HTR1F: variants seen among roughly 807,000 people sequenced by gnomAD.
The protein encoded by HTR1F is 5-hydroxytryptamine (serotonin) receptor 1F, G protein-coupled.
HTR1F carries 17 observed loss-of-function variants against 24.0 expected under a neutral mutation model. The ratio of observed to expected loss-of-function variants is 0.71; its 90% CI spans 0.48 to 1.06. HTR1F has a LOEUF of 1.06. Among genes scored for constraint, HTR1F ranks in the 50% least tolerant of loss-of-function variants. HTR1F has a pLI of 0.00. For synonymous variants in HTR1F, 186 were observed against 156.8 expected (o/e 1.19, Z -1.39); for missense variants, 391 against 427.8 (o/e 0.91, Z 0.76).
intron 2 of HTR1F, among the ~76,000 whole-genome samples, chr3:87,862,589 T>C (rs1162854939): frequency 6.6e-6 from 1 of 152,196 alleles, no homozygotes; most frequent in Non-Finnish European, 1.5e-5. Context: ...CTCCAATATA[T>C]GTCACACAAA....
chr3:87,941,756 C>A (rs1337830390), intron 2 of HTR1F, among the ~76,000 whole-genome samples: 1 of 152,090 alleles, frequency 6.6e-6, no homozygotes, highest in Non-Finnish European at 1.5e-5. Context: ...GACTATAAAC[C>A]ACTCTGCTTC....
At chr3:87,967,794 A>G (rs964906013) in intron 2 of HTR1F, among the ~76,000 whole-genome samples, 1 of 152,156 alleles carries the variant, frequency 6.6e-6, no homozygotes, top group Non-Finnish European at 1.5e-5. Flanking sequence ...CTTTTTCTTT[A>G]TAAATTGCCC....
intron 2 of HTR1F, among the ~76,000 whole-genome samples, chr3:87,833,283 A>G (rs1433613883): frequency 2.0e-5 from 3 of 152,172 alleles, no homozygotes; most frequent in East Asian, 3.9e-4. Flanking sequence ...GGAACTAGGG[A>G]AATATAAAAA....
intron 1 of HTR1F, among the ~76,000 whole-genome samples, chr3:87,805,209 T>A (rs1704054375): frequency 6.6e-6 from 1 of 152,078 alleles, no homozygotes; most frequent in Non-Finnish European, 1.5e-5. Flanking sequence ...CAAGGTTTTT[T>A]TTTTTACCAC....
intron 2 of HTR1F, among the ~76,000 whole-genome samples, chr3:87,843,250 C>T (rs975979404): frequency 6.6e-6 from 1 of 151,878 alleles, no homozygotes; most frequent in South Asian, 2.1e-4. Flanking sequence ...AACATAGGCT[C>T]AAATTATTTT....
rs143171050 is a variant in HTR1F, at chr3:87,794,627, T to C, written c.-160+1785T>C. 4.3e-3 allele frequency among the ~76,000 whole-genome samples: 660 copies of C among 152,332 alleles called. 6 individuals are homozygous for C. The highest frequency in any genetic ancestry group is 0.014 in the African/African-American group (593 of 41,566). ...TCACGCTTCATCCAAGTGGGCTTATTACAGAGCTAATGAGCTTAAGTTATA... is the reference window on the plus strand; with the variant it reads ...TCACGCTTCATCCAAGTGGGCTTATCACAGAGCTAATGAGCTTAAGTTATA... On this transcript the variant is annotated intron_variant, in intron 1 of 2. Coordinates refer to ENST00000319595, the MANE Select transcript of HTR1F (RefSeq NM_001322209.2).
intron 2 of HTR1F, among the ~76,000 whole-genome samples, chr3:87,862,801 C>T (rs1024353519): frequency 2.0e-5 from 3 of 151,766 alleles, no homozygotes; most frequent in Non-Finnish European, 2.9e-5. Context: ...GACTCATGTA[C>T]TTACTCTTTT....
intron 2 of HTR1F, among the ~76,000 whole-genome samples, chr3:87,955,689 T>A (rs943795933): frequency 2.0e-5 from 3 of 151,512 alleles, no homozygotes; most frequent in Non-Finnish European, 3.0e-5. Flanking sequence ...GTATGCTCCA[T>A]ATTTCCACCA....
chr3:87,931,946 C>A (rs1472144059), intron 2 of HTR1F, among the ~76,000 whole-genome samples: 2 of 151,718 alleles, frequency 1.3e-5, no homozygotes, highest in Non-Finnish European at 2.9e-5. Context: ...GGATATTAGC[C>A]CTTTGTCAGA....
chr3:87,834,182 A>G (rs1413269679), intron 2 of HTR1F, among the ~76,000 whole-genome samples: 1 of 152,192 alleles, frequency 6.6e-6, no homozygotes, highest in Non-Finnish European at 1.5e-5. Flanking sequence ...TCTAATCACT[A>G]TACTATACAT....
intron 2 of HTR1F, among the ~76,000 whole-genome samples, chr3:87,912,446 C>G (rs1415458032): frequency 6.6e-6 from 1 of 151,942 alleles, no homozygotes; most frequent in Non-Finnish European, 1.5e-5. Flanking sequence ...GAAAAACATT[C>G]CATGCTCATG....
In HTR1F at chr3:87,991,595, G is replaced by T. The variant is rs1277236826; in HGVS notation, c.846G>T (p.Lys282Asn). 3.1e-6 allele frequency: 5 copies of T among 1,613,924 alleles called. No individual in the cohort carries two copies. Among genetic ancestry groups the T allele is most frequent in the Non-Finnish European group, 4.2e-6 (5 of 1,180,004 alleles). Residue 282 changes from lysine to asparagine, a missense_variant, in exon 3 of 3, where the codon AAG becomes AAT. Coordinates refer to ENST00000319595, the MANE Select transcript of HTR1F (RefSeq NM_001322209.2). ...ATGAGAAATCTTGGAGAAGGCAAAA[G>T]ATCTCAGGTACAAGAGAACGGAAAG... The part of the protein sequence containing the change: ...FKHEKSWRRQ[K>N]ISGTRERKAA...
intron 2 of HTR1F, among the ~76,000 whole-genome samples, chr3:87,924,125 G>A (rs1330631096): frequency 6.6e-6 from 1 of 151,836 alleles, no homozygotes; most frequent in Non-Finnish European, 1.5e-5. Flanking sequence ...TTTGGTCCTG[G>A]GCTTTTCTTT....
intron 2 of HTR1F, among the ~76,000 whole-genome samples, chr3:87,976,297 A>G (rs377493832): frequency 6.6e-6 from 1 of 152,166 alleles, no homozygotes; most frequent in Non-Finnish European, 1.5e-5. Flanking sequence ...TGGTGCTAGT[A>G]AAAAACAAAA....
intron 2 of HTR1F, among the ~76,000 whole-genome samples, chr3:87,846,568 T>A (rs1480668216): frequency 6.6e-6 from 1 of 152,048 alleles, no homozygotes; most frequent in Non-Finnish European, 1.5e-5. Context: ...ATCACCCAGC[T>A]AGATAGCAAC....
At chr3:87,822,208 T>C (rs962698002) in intron 2 of HTR1F, among the ~76,000 whole-genome samples, 84 bp downstream of exon 2, 2 of 151,808 alleles carry the variant, frequency 1.3e-5, no homozygotes, top group African/African-American at 4.8e-5. Context: ...AAGAACGTAA[T>C]GCAAAATGGA....
intron 2 of HTR1F, among the ~76,000 whole-genome samples, chr3:87,984,516 C>A (rs900100466): frequency 6.6e-6 from 1 of 151,954 alleles, no homozygotes; most frequent in African/African-American, 2.4e-5. Flanking sequence ...CAAGCTGGAG[C>A]GCATGGCATG....
rs372776030 is a variant in HTR1F at position 87,922,749 on chromosome 3, G to A, written c.-42-67959G>A. On this transcript the variant is annotated intron_variant, in intron 2 of 2. Coordinates refer to ENST00000319595, the MANE Select transcript of HTR1F (RefSeq NM_001322209.2). ...TCATTCTTCTTCATGTGAATATCCCGTTTTTCCAGCAACATTTATTAAGAC... is the reference window on the plus strand; with the variant it reads ...TCATTCTTCTTCATGTGAATATCCCATTTTTCCAGCAACATTTATTAAGAC... Among the ~76,000 whole-genome samples, 33 of 151,714 alleles carry A rather than the reference G, an allele frequency of 2.2e-4. No individual in the cohort carries two copies. In the East Asian group the frequency reaches 4.8e-3, roughly 22 times the overall value.
intron 2 of HTR1F, among the ~76,000 whole-genome samples, chr3:87,961,095 C>T (rs574701369): frequency 5.7e-4 from 87 of 152,052 alleles, no homozygotes; most frequent in African/African-American, 2.0e-3. Flanking sequence ...GAGAGATGTC[C>T]AGTGGAAAGT....
Sources: gnomAD v4.1 joint callset for allele counts (sites outside exome capture counted in the v4.1 genomes callset) on GRCh38, gnomAD v4.1.1 for gene constraint, MANE v1.5 for transcripts, NCBI Gene and HGNC (gene_info 2026-07-23, HGNC 2026-07-21) for gene names.